The following DGKG variants were observed in gnomAD, a reference collection of about 807,000 sequenced individuals.
DGKG encodes the protein DAG kinase gamma.
DGKG carries 78 observed loss-of-function variants against 105.3 expected under a neutral mutation model. The ratio of observed to expected loss-of-function variants is 0.74; its 90% CI spans 0.62 to 0.89. The LOEUF is 0.89. Among genes scored for constraint, DGKG ranks in the 40% least tolerant of loss-of-function variants. The pLI is 0.00. For synonymous variants in DGKG, 346 were observed against 367.1 expected (o/e 0.94, Z 0.66); for missense variants, 958 against 1,020.1 (o/e 0.94, Z 0.83).
chr3:186,257,737 G>A (rs1721551939), intron 17 of DGKG, 117 bp downstream of exon 17: 1 of 741,300 alleles, frequency 1.3e-6, no homozygotes, highest in African/African-American at 1.8e-5. Flanking sequence ...TGGTCCAGGG[G>A]AAGATACAAG....
rs1419427643 is a variant in DGKG, at chr3:186,268,935, A to G, written c.1000-18T>C. Reference sequence around the variant, plus strand: ...TGCATCACCTGCGGGAGGGAAGCGAACGATGCCAGGGAAAATGGCAGAACC... The same window carrying G: ...TGCATCACCTGCGGGAGGGAAGCGAGCGATGCCAGGGAAAATGGCAGAACC... On this transcript the variant is annotated intron_variant, in intron 11 of 24. Coordinates refer to ENST00000265022, the MANE Select transcript of DGKG (RefSeq NM_001346.3). The G allele has an allele frequency of 1.9e-6, 3 of 1,578,538 alleles. No homozygotes were observed. The East Asian group carries it at 6.7e-5, about 35-fold the overall frequency.
At chr3:186,338,990 C>T (rs1725962577) in intron 1 of DGKG, among the ~76,000 whole-genome samples, 1 of 151,982 alleles carries the variant, frequency 6.6e-6, no homozygotes, top group African/African-American at 2.4e-5. Flanking sequence ...TATCTGTGAA[C>T]GATGCATGAA....
intron 24 of DGKG, chr3:186,161,316 A>G (rs1716279648): frequency 2.4e-6 from 3 of 1,255,846 alleles, no homozygotes; most frequent in South Asian, 3.7e-5. Context: ...GATACAGTAG[A>G]TGAAGTCTCA....
intron 22 of DGKG, among the ~76,000 whole-genome samples, chr3:186,187,161 T>A (rs1717680310): frequency 6.6e-6 from 1 of 152,182 alleles, no homozygotes; most frequent in Admixed American, 6.5e-5. Context: ...AGGAGTGTCA[T>A]AACCTGACTG....
chr3:186,232,907 T>A (rs1720223160), intron 20 of DGKG, among the ~76,000 whole-genome samples: 1 of 152,204 alleles, frequency 6.6e-6, no homozygotes, highest in African/African-American at 2.4e-5. Context: ...TGATGTAGGA[T>A]CTGTCTTTGT....
intron 18 of DGKG, among the ~76,000 whole-genome samples, chr3:186,252,672 G>A (rs188934130): frequency 6.6e-6 from 1 of 152,312 alleles, no homozygotes; most frequent in East Asian, 1.9e-4. Context: ...TTGGTCCTCA[G>A]TTTTAGTCCT....
chr3:186,182,670 A>T (rs1717415408), intron 22 of DGKG, among the ~76,000 whole-genome samples: 1 of 152,168 alleles, frequency 6.6e-6, no homozygotes, highest in South Asian at 2.1e-4. Flanking sequence ...TTAAATTCTC[A>T]GCCTCACAAA....
At chr3:186,278,788 C>G (rs1226459050) in intron 9 of DGKG, among the ~76,000 whole-genome samples, 1 of 152,176 alleles carries the variant, frequency 6.6e-6, no homozygotes, top group Non-Finnish European at 1.5e-5. Context: ...CCCAGCTGCA[C>G]TTGCTGCCCT....
At chr3:186,342,550 AT>A (rs1244140624) in intron 1 of DGKG, among the ~76,000 whole-genome samples, 1 of 151,878 alleles carries the variant, frequency 6.6e-6, no homozygotes, top group Non-Finnish European at 1.5e-5. Context: ...CTCATTCTTT[AT>A]TTTTTTATTT....
chr3:186,197,894 C>A (rs191801979), intron 21 of DGKG, among the ~76,000 whole-genome samples: 84 of 152,322 alleles, frequency 5.5e-4, no homozygotes, highest in African/African-American at 1.9e-3. Flanking sequence ...CCTCAATGCT[C>A]TTGCTAGAAA....
At chr3:186,343,090 T>C (rs1726159377) in intron 1 of DGKG, among the ~76,000 whole-genome samples, 2 of 152,132 alleles carry the variant, frequency 1.3e-5, no homozygotes, top group African/African-American at 4.8e-5. Flanking sequence ...CCAAAAAAAG[T>C]TGGAGGAATT....
chr3:186,293,156 G>C (rs536777440), intron 5 of DGKG, among the ~76,000 whole-genome samples: 44 of 152,172 alleles, frequency 2.9e-4, no homozygotes, highest in African/African-American at 9.6e-4. Flanking sequence ...TTTGCATTAG[G>C]GTTCACTCTT....
Position 186,292,119 on chromosome 3 carries a change from C to A in DGKG, c.374-3239G>T, listed in dbSNP as rs114805813. On this transcript the variant is annotated intron_variant, in intron 5 of 24. Coordinates refer to ENST00000265022, the MANE Select transcript of DGKG (RefSeq NM_001346.3). ...AGTAAAAAATGCCAACACCCTCTTC[C>A]GGATCACAGAGGTCCTGTCCTGGTG... Among the ~76,000 whole-genome samples, 76 of 152,302 alleles carry A rather than the reference C, an allele frequency of 5.0e-4. 1 individual carries two copies. In the South Asian group the frequency reaches 0.013, roughly 26 times the overall value.
intron 17 of DGKG, among the ~76,000 whole-genome samples, chr3:186,253,631 T>C (rs1355162927): frequency 6.6e-6 from 1 of 152,202 alleles, no homozygotes; most frequent in East Asian, 1.9e-4. Flanking sequence ...TCTACAACCA[T>C]TCTACCCTGA....
chr3:186,200,108 G>T (rs1718376482), intron 21 of DGKG, among the ~76,000 whole-genome samples: 1 of 152,146 alleles, frequency 6.6e-6, no homozygotes, highest in Non-Finnish European at 1.5e-5. Flanking sequence ...AGAGAAGAGT[G>T]GTCCAGGATA....
intron 24 of DGKG, among the ~76,000 whole-genome samples, chr3:186,154,675 G>GA (rs377426747): frequency 0.012 from 1,729 of 141,636 alleles, 39 homozygotes; most frequent in African/African-American, 0.042. Context: ...AAAAGAAAAA[G>GA]AAAAAAAAAA....
chr3:186,288,981 T>C, intron 5 of DGKG, 101 bp from the exon 6 acceptor site: 2 of 1,189,162 alleles, frequency 1.7e-6, no homozygotes, highest in Admixed American at 2.5e-5. Context: ...GCAAGAATTT[T>C]GTAGAAGTGT....
intron 19 of DGKG, among the ~76,000 whole-genome samples, chr3:186,244,545 C>T (rs545781900): frequency 6.6e-6 from 1 of 151,846 alleles, no homozygotes; most frequent in East Asian, 1.9e-4. Context: ...GCTGGGATTA[C>T]AGGCATCCGC....
At chr3:186,180,904 G>A (rs78957403) in intron 22 of DGKG, among the ~76,000 whole-genome samples, 2,218 of 152,352 alleles carry the variant, frequency 0.015, 61 homozygotes, top group African/African-American at 0.051. Flanking sequence ...TGAACCATAC[G>A]TGCTTGCAAA....
Sources: gnomAD v4.1 joint callset for allele counts (sites outside exome capture counted in the v4.1 genomes callset) on GRCh38, gnomAD v4.1.1 for gene constraint, MANE v1.5 for transcripts, NCBI Gene and HGNC (gene_info 2026-07-23, HGNC 2026-07-21) for gene names.